Variants in STX18 observed in about 807,000 individuals in gnomAD.
STX18 encodes syntaxin-18.
In STX18, 40 loss-of-function variants were observed where a neutral mutation model predicts 50.1. The observed-to-expected ratio is 0.80, with a 90% confidence interval of 0.62 to 1.04. The LOEUF (loss-of-function observed/expected upper bound fraction) is 1.04, where lower values mean the gene tolerates loss of function less well. STX18 is among the 50% of genes least tolerant of loss of function. The pLI is 0.00. For missense variants in STX18, 410 were observed against 415.8 expected (o/e 0.99, Z 0.12); for synonymous variants, 158 against 151.8 (o/e 1.04, Z -0.30).
In STX18 at chr4:4,420,221, G is replaced by T; in HGVS notation, c.913-92C>A. 1.0e-6 allele frequency: 1 copy of T among 961,048 alleles called. No homozygotes were observed. The highest frequency in any genetic ancestry group is 1.6e-6 in the Non-Finnish European group (1 of 625,532). The allele number at this position is 961,048 out of a possible 1,614,324, so 59.5% of individuals were successfully genotyped here. On this transcript the variant is annotated intron_variant, in intron 10 of 10. Coordinates refer to ENST00000306200, the MANE Select transcript of STX18 (RefSeq NM_016930.4). This position sits in a 1 kb window ranked among gnomAD's most constrained non-coding sequence, Gnocchi z 4.3. ...CCCCCCTCTTCCCACGTGCTCTCCT[G>T]ATCCTGGCTGTAACTATGGGTGTCG...
chr4:4,420,228 G>T lies in STX18; in HGVS notation c.913-99C>A. 1 of 908,370 alleles carries T rather than the reference G, an allele frequency of 1.1e-6. No individual in the cohort carries two copies. Among genetic ancestry groups the T allele is most frequent in the East Asian group, 2.6e-5 (1 of 37,876 alleles). The allele number at this position is 908,370 out of a possible 1,614,324, so 56.3% of individuals were successfully genotyped here. A position where few individuals can be genotyped will look rare whatever the true frequency, so the allele number is the denominator to read the frequency against. On this transcript the variant is annotated intron_variant, in intron 10 of 10. Transcript: ENST00000306200. This position sits in a 1 kb window ranked among gnomAD's most constrained non-coding sequence, Gnocchi z 4.3. ...CTTCCCACGTGCTCTCCTGATCCTG[G>T]CTGTAACTATGGGTGTCGTTCCATC...
At chr4:4,489,643 AT>A (rs1266998885) in intron 1 of STX18, among the ~76,000 whole-genome samples, 2 of 152,036 alleles carry the variant, frequency 1.3e-5, no homozygotes, top group Non-Finnish European at 2.9e-5. Flanking sequence ...GGTTTCTAGA[AT>A]TTAAAGAAAC....
intron 1 of STX18, among the ~76,000 whole-genome samples, chr4:4,501,288 T>C (rs981397316): frequency 1.3e-5 from 2 of 152,342 alleles, no homozygotes; most frequent in Admixed American, 1.3e-4. Flanking sequence ...AGCCACATTT[T>C]TGCGACATGG....
chr4:4,528,715 C>T (rs921112098), intron 1 of STX18, among the ~76,000 whole-genome samples: 2 of 152,200 alleles, frequency 1.3e-5, no homozygotes, highest in African/African-American at 4.8e-5. Flanking sequence ...TGGCTCACAG[C>T]CGAGTGTGTC....
intron 5 of STX18, 134 bp downstream of exon 5, chr4:4,457,057 T>C (rs1457629948): frequency 2.6e-6 from 2 of 783,362 alleles, no homozygotes; most frequent in Non-Finnish European, 4.1e-6. Flanking sequence ...GAGTGCCCGG[T>C]AGCGCCAGCT....
chr4:4,435,799 A>T (rs1725744849), intron 6 of STX18, among the ~76,000 whole-genome samples: 1 of 152,172 alleles, frequency 6.6e-6, no homozygotes, highest in Non-Finnish European at 1.5e-5. Flanking sequence ...ATGATCAAGG[A>T]AAGGTGATGC....
intron 5 of STX18, among the ~76,000 whole-genome samples, chr4:4,439,307 C>T (rs2108791109): frequency 6.7e-6 from 1 of 148,648 alleles, no homozygotes; most frequent in Non-Finnish European, 1.5e-5. Flanking sequence ...CACATACCCA[C>T]ACATATACAC....
chr4:4,438,223 C>G (rs181466542), intron 6 of STX18, among the ~76,000 whole-genome samples, 171 bp downstream of exon 6: 5 of 152,256 alleles, frequency 3.3e-5, no homozygotes, highest in Non-Finnish European at 5.9e-5. Flanking sequence ...GTGGCACTCA[C>G]GAAGATCAAC....
intron 2 of STX18, among the ~76,000 whole-genome samples, chr4:4,469,133 A>G (rs1178887650): frequency 6.6e-6 from 1 of 152,170 alleles, no homozygotes; most frequent in Non-Finnish European, 1.5e-5. Flanking sequence ...AAATTTCAGA[A>G]AAGTGAGGGA....
At chr4:4,450,686 G>T (rs1312819644) in intron 5 of STX18, among the ~76,000 whole-genome samples, 1 of 152,048 alleles carries the variant, frequency 6.6e-6, no homozygotes, top group African/African-American at 2.4e-5. Context: ...CTCCAGCACG[G>T]ATCAGTCCCT....
At chr4:4,457,331 T>C (rs1727133674) in intron 4 of STX18, 74 bp from the exon 5 acceptor site, 1 of 1,563,430 alleles carries the variant, frequency 6.4e-7, no homozygotes, top group Non-Finnish European at 8.8e-7. Context: ...TTAAATATAA[T>C]GAGATACTAC....
intron 2 of STX18, among the ~76,000 whole-genome samples, chr4:4,467,743 T>TGGGG (rs1264760459): frequency 2.3e-4 from 1 of 4,386 alleles, no homozygotes; most frequent in Non-Finnish European, 4.3e-4. Flanking sequence ...AAGGTGGGCA[T>TGGGG]GGGGGGTGGG....
chr4:4,473,760 C>A (rs1247411602), intron 1 of STX18, among the ~76,000 whole-genome samples: 1 of 152,178 alleles, frequency 6.6e-6, no homozygotes, highest in Non-Finnish European at 1.5e-5. Context: ...AAACACTCAA[C>A]TACTTCCAGG....
At chr4:4,510,603 C>G (rs980387515) in intron 1 of STX18, among the ~76,000 whole-genome samples, 1 of 152,260 alleles carries the variant, frequency 6.6e-6, no homozygotes, top group Non-Finnish European at 1.5e-5. Context: ...GGAGATTCCT[C>G]AAGGATCTAG....
chr4:4,434,863 T>TAA lies in STX18; in HGVS notation c.614-7_614-6dup. 2.0e-6 allele frequency: 3 copies of TAA among 1,507,214 alleles called. No homozygotes were observed. Among genetic ancestry groups the TAA allele is most frequent in the South Asian group, 1.2e-5 (1 of 80,432 alleles). 93.4% of individuals were successfully genotyped at this position (1,507,214 alleles called of 1,614,324 possible). ...GTGTTTCAGCCAAAATTTTTTCTGT[T>TAA]AAAAAAAAAATTGAAAATAGAAGAC... On this transcript the variant is annotated splice_polypyrimidine_tract_variant and splice_region_variant and intron_variant, in intron 6 of 10. Transcript: ENST00000306200.
intron 1 of STX18, among the ~76,000 whole-genome samples, chr4:4,473,928 A>T (rs575979922): frequency 7.9e-5 from 12 of 152,302 alleles, no homozygotes; most frequent in African/African-American, 2.6e-4. Context: ...CTCAGTGTCT[A>T]AACAACGGGA....
At chr4:4,521,688 T>A (rs942371323) in intron 1 of STX18, among the ~76,000 whole-genome samples, 7 of 152,100 alleles carry the variant, frequency 4.6e-5, no homozygotes, top group African/African-American at 1.7e-4. Context: ...AAATACAACT[T>A]AGCAATTCAG....
In STX18 at chr4:4,423,597, A is replaced by G. The variant is rs377613847; in HGVS notation, c.762-10T>C. The G allele has an allele frequency of 2.0e-5, 33 of 1,613,740 alleles. No individual in the cohort carries two copies. In the African/African-American group the frequency reaches 4.3e-4, roughly 21 times the overall value. On this transcript the variant is annotated splice_polypyrimidine_tract_variant and intron_variant, in intron 8 of 10. Transcript: ENST00000306200. ...TCTCCCTTCGATTTGCCTTCATAAA[A>G]AGAACAGATTACATATTAACTATTA...
chr4:4,437,733 C>A (rs1440578836), intron 6 of STX18: 6 of 511,946 alleles, frequency 1.2e-5, no homozygotes, highest in African/African-American at 2.1e-5. Context: ...ACACAAAGAA[C>A]CCTGCTCCAC....
Sources: allele counts gnomAD v4.1 joint callset (sites outside exome capture counted in the v4.1 genomes callset), GRCh38; gene constraint gnomAD v4.1.1; non-coding constraint Gnocchi (gnomAD v3.1); transcripts MANE v1.5; gene names NCBI Gene and HGNC (gene_info 2026-07-23, HGNC 2026-07-21).